The following RIMS2 variants were observed in gnomAD, a reference collection of about 807,000 sequenced individuals.
RIMS2 encodes the protein regulating synaptic membrane exocytosis protein 2.
In RIMS2, 59 loss-of-function variants were observed where a neutral mutation model predicts 174.4. The observed-to-expected ratio is 0.34, with a 90% CI of 0.27 to 0.42. The LOEUF (loss-of-function observed/expected upper bound fraction) is 0.42. Among genes scored for constraint, RIMS2 ranks in the 10% least tolerant of loss-of-function variants. The probability of loss-of-function intolerance (pLI) is 1.00; values close to 1 mark genes in which losing one functional copy is unlikely to be tolerated. For synonymous variants in RIMS2, 606 were observed against 572.5 expected, an observed-to-expected ratio of 1.06 and a Z score of -0.84; for missense variants, 1,620 against 1,666.3, an observed-to-expected ratio of 0.97 and a Z score of 0.48.
chr8:104,142,871 G>A (rs745491486), intron 19 of RIMS2, among the ~76,000 whole-genome samples: 8 of 152,072 alleles, frequency 5.3e-5, no homozygotes, highest in Non-Finnish European at 8.8e-5. Context: ...ACATTCAAGC[G>A]TATTAACATA....
intron 1 of RIMS2, among the ~76,000 whole-genome samples, chr8:103,504,201 A>G (rs966292783): frequency 1.3e-5 from 2 of 152,076 alleles, no homozygotes; most frequent in Non-Finnish European, 2.9e-5. Flanking sequence ...AGACATCTGA[A>G]TGATTAATGT....
intron 3 of RIMS2, among the ~76,000 whole-genome samples, chr8:103,882,916 A>G (rs2099175299): frequency 6.6e-6 from 1 of 151,670 alleles, no homozygotes; most frequent in Admixed American, 6.6e-5. Context: ...TAAGATAGGA[A>G]TGAAATATTC....
chr8:103,935,540 C>A (rs568514670), intron 12 of RIMS2, among the ~76,000 whole-genome samples: 1 of 152,216 alleles, frequency 6.6e-6, no homozygotes, highest in African/African-American at 2.4e-5. Context: ...CCCTGTTTCC[C>A]AAAACTCTTG....
chr8:103,609,316 C>G (rs769255676), intron 1 of RIMS2, among the ~76,000 whole-genome samples: 23 of 152,084 alleles, frequency 1.5e-4, no homozygotes, highest in African/African-American at 5.3e-4. Flanking sequence ...TGTCTGTTCA[C>G]TTTGTTGATA....
chr8:104,149,985 A>G (rs1202609601), intron 19 of RIMS2, among the ~76,000 whole-genome samples: 5 of 152,198 alleles, frequency 3.3e-5, no homozygotes, highest in African/African-American at 1.2e-4. Context: ...ATATATAAAT[A>G]GAAGTTTAAT....
At chr8:103,963,914 T>A (rs919078209) in intron 15 of RIMS2, among the ~76,000 whole-genome samples, 7 of 152,216 alleles carry the variant, frequency 4.6e-5, no homozygotes, top group African/African-American at 1.7e-4. Context: ...TTTTCCAGAA[T>A]GTCACATAGT....
intron 3 of RIMS2, among the ~76,000 whole-genome samples, chr8:103,847,888 G>C (rs1304939845): frequency 6.6e-6 from 1 of 152,054 alleles, no homozygotes; most frequent in Non-Finnish European, 1.5e-5. Context: ...ATGGAGGTGG[G>C]TGGAGTTGGT....
At chr8:103,644,448 T>G (rs954418097) in intron 1 of RIMS2, among the ~76,000 whole-genome samples, 3 of 152,096 alleles carry the variant, frequency 2.0e-5, no homozygotes, top group Non-Finnish European at 2.9e-5. Flanking sequence ...GAAACTAGAA[T>G]CTCATCAGCT....
At chr8:104,104,923 A>G (rs756024018) in intron 19 of RIMS2, among the ~76,000 whole-genome samples, 1 of 151,930 alleles carries the variant, frequency 6.6e-6, no homozygotes, top group Non-Finnish European at 1.5e-5. Flanking sequence ...GAAATGTAAG[A>G]TTTTATGTAG....
chr8:104,071,643 A>G (rs187818841), intron 19 of RIMS2, among the ~76,000 whole-genome samples: 22 of 152,198 alleles, frequency 1.4e-4, no homozygotes, highest in East Asian at 1.9e-4. Context: ...TCACCGTGTT[A>G]GCCAGGATGG....
intron 1 of RIMS2, among the ~76,000 whole-genome samples, chr8:103,673,679 G>A (rs929238496): frequency 6.6e-6 from 1 of 152,162 alleles, no homozygotes; most frequent in Admixed American, 6.5e-5. Flanking sequence ...GCCTGTGATA[G>A]GTGGGCCCGC....
intron 10 of RIMS2, among the ~76,000 whole-genome samples, chr8:103,922,515 A>C (rs1416142074): frequency 6.6e-6 from 1 of 151,888 alleles, no homozygotes; most frequent in African/African-American, 2.4e-5. Context: ...ATTTATTGTT[A>C]TATATTAGAA....
intron 19 of RIMS2, among the ~76,000 whole-genome samples, chr8:104,076,067 A>T (rs1034824660): frequency 6.6e-6 from 1 of 152,192 alleles, no homozygotes; most frequent in Admixed American, 6.5e-5. Flanking sequence ...ATTTATGAAG[A>T]TACATAAACT....
intron 1 of RIMS2, among the ~76,000 whole-genome samples, chr8:103,628,361 T>A (rs898361235): frequency 9.9e-5 from 15 of 151,498 alleles, no homozygotes; most frequent in African/African-American, 2.9e-4. Context: ...CCTGTTTTTT[T>A]TTTTTTTTTG....
chr8:104,070,269 G>T (rs2154561530), intron 19 of RIMS2, among the ~76,000 whole-genome samples: 1 of 152,190 alleles, frequency 6.6e-6, no homozygotes, highest in South Asian at 2.1e-4. Flanking sequence ...TACCAACATG[G>T]TGCATACAAA....
At chr8:103,614,087 C>G (rs2095449422) in intron 1 of RIMS2, among the ~76,000 whole-genome samples, 1 of 152,220 alleles carries the variant, frequency 6.6e-6, no homozygotes. Context: ...GGCTCTGAGC[C>G]CATCCCAGCA....
At chr8:103,927,713 T>C (rs564978356) in intron 10 of RIMS2, 1 of 677,702 alleles carries the variant, frequency 1.5e-6, no homozygotes, top group African/African-American at 1.8e-5. Context: ...TTTTGATAAA[T>C]ATTGTCATGG....
intron 1 of RIMS2, among the ~76,000 whole-genome samples, chr8:103,525,945 A>G (rs552399416): frequency 5.3e-5 from 8 of 152,320 alleles, no homozygotes; most frequent in South Asian, 2.1e-4. Context: ...TAACACATCA[A>G]TGAAGGCTGT....
chr8:103,612,774 G>C (rs2095414241), intron 1 of RIMS2, among the ~76,000 whole-genome samples: 1 of 152,156 alleles, frequency 6.6e-6, no homozygotes, highest in African/African-American at 2.4e-5. Context: ...GTTTCACAAT[G>C]TTGGCCAGGC....
Sources: gnomAD v4.1 joint callset for allele counts (sites outside exome capture counted in the v4.1 genomes callset) on GRCh38, gnomAD v4.1.1 for gene constraint, MANE v1.5 for transcripts, NCBI Gene and HGNC (gene_info 2026-07-23, HGNC 2026-07-21) for gene names.